The following B4GALT6 variants were observed in gnomAD, a reference collection of about 807,000 sequenced individuals.
B4GALT6 encodes beta-1,4-galactosyltransferase 6.
Under a neutral mutation model 46.3 loss-of-function variants are expected in B4GALT6, and 14 were observed. The ratio of observed to expected loss-of-function variants is 0.30; its 90% confidence interval spans 0.20 to 0.47. B4GALT6 has a LOEUF of 0.47. B4GALT6 is among the 20% of genes least tolerant of loss of function. B4GALT6 has a pLI of 0.99. For synonymous variants in B4GALT6, 168 were observed against 162.0 expected, an observed-to-expected ratio of 1.04 and a Z score of -0.28; for missense variants, 386 against 480.1, an observed-to-expected ratio of 0.80 and a Z score of 1.83.
At chr18:31,692,431 T>G in the B4GALT6 span, among the ~76,000 whole-genome samples, 4 of 152,192 alleles carry the variant, frequency 2.6e-5, no homozygotes, top group Non-Finnish European at 5.9e-5. Context: ...CTCATTTTGG[T>G]TTTGATTTGC....
intron 5 of B4GALT6, among the ~76,000 whole-genome samples, chr18:31,635,983 A>G (rs1406842668): frequency 2.6e-5 from 4 of 152,236 alleles, no homozygotes; most frequent in Non-Finnish European, 4.4e-5. Flanking sequence ...AGCAGAGTCA[A>G]TGGAACACAG....
At position 31,623,169 on chromosome 18, in the gene B4GALT6, T is replaced by C. The variant is rs2073639744; in HGVS notation, c.*2445A>G. On this transcript the variant is annotated 3_prime_UTR_variant, in exon 9 of 9. Transcript: ENST00000306851. ...ATTAATAAATCCTCCAAACATCCTA[T>C]AATTTGCATTTGCAATGTATTTGTT... The C allele has an allele frequency of 6.6e-6, 1 of 152,060 alleles. No homozygotes were observed. The highest frequency in any genetic ancestry group is 6.5e-5 in the Admixed American group (1 of 15,270). The allele number at this position is 152,060 out of a possible 1,614,324, so 9.4% of individuals were successfully genotyped here. A position where few individuals can be genotyped will look rare whatever the true frequency, so the allele number is the denominator to read the frequency against.
At chr18:31,678,186 T>C (rs572660044) in intron 1 of B4GALT6, among the ~76,000 whole-genome samples, 21 of 152,258 alleles carry the variant, frequency 1.4e-4, no homozygotes, top group Admixed American at 2.6e-4. Flanking sequence ...GTCTGTCCAG[T>C]ATCCCAAACA....
intron 3 of B4GALT6, among the ~76,000 whole-genome samples, chr18:31,650,005 C>A (rs1013010479): frequency 6.6e-6 from 1 of 152,166 alleles, no homozygotes; most frequent in African/African-American, 2.4e-5. Context: ...ACAGTGACAC[C>A]CAGCTCTGTG....
chr18:31,694,627 T>G, the B4GALT6 span, among the ~76,000 whole-genome samples: 1 of 152,246 alleles, frequency 6.6e-6, no homozygotes, highest in Non-Finnish European at 1.5e-5. Context: ...GTTCACAGGA[T>G]ATTTGCAGCA....
chr18:31,647,329 C>T (rs2074002776), intron 3 of B4GALT6, among the ~76,000 whole-genome samples: 1 of 152,166 alleles, frequency 6.6e-6, no homozygotes, highest in South Asian at 2.1e-4. Flanking sequence ...GCATCATTTG[C>T]AGTTTAATTT....
chr18:31,699,628 T>C, the B4GALT6 span, among the ~76,000 whole-genome samples: 1 of 122,832 alleles, frequency 8.1e-6, no homozygotes, highest in African/African-American at 3.1e-5. Flanking sequence ...CCCATGAGTC[T>C]CTTCCTGGAA....
chr18:31,629,201 C>T lies in B4GALT6; in HGVS notation c.776+1758G>A, dbSNP rs542672986. 2.6e-5 allele frequency among the ~76,000 whole-genome samples: 4 copies of T among 152,042 alleles called. No individual in the cohort carries two copies. The East Asian group carries it at 7.7e-4, about 29-fold the overall frequency. ...TCAATTGTTTATATTATTGGTAAGG[C>T]TTTTGGCTAACAGTAGGCTATTAGT... On this transcript the variant is annotated intron_variant, in intron 6 of 8. Coordinates refer to ENST00000306851, the MANE Select transcript of B4GALT6 (RefSeq NM_004775.5).
the B4GALT6 span, among the ~76,000 whole-genome samples, chr18:31,706,954 T>C: frequency 6.6e-6 from 1 of 152,184 alleles, no homozygotes. Context: ...TATAAATACC[T>C]ATCTTGAATG....
chr18:31,702,355 A>C, the B4GALT6 span, among the ~76,000 whole-genome samples: 1 of 152,228 alleles, frequency 6.6e-6, no homozygotes, highest in East Asian at 1.9e-4. Context: ...GTAAAGTTAT[A>C]CATAGGGTGA....
At chr18:31,653,091 A>G (rs2074094706) in intron 3 of B4GALT6, among the ~76,000 whole-genome samples, 1 of 151,512 alleles carries the variant, frequency 6.6e-6, no homozygotes, top group African/African-American at 2.4e-5. Flanking sequence ...ATACAGGCTC[A>G]TAAATCAACT....
chr18:31,631,786 C>G (rs1300006905), intron 5 of B4GALT6, among the ~76,000 whole-genome samples: 2 of 151,960 alleles, frequency 1.3e-5, no homozygotes, highest in African/African-American at 4.8e-5. Flanking sequence ...TAATAAATAC[C>G]AAGAACATTT....
At chr18:31,684,862 G>C, upstream of B4GALT6, 1 of 790,942 alleles carries the variant, frequency 1.3e-6, no homozygotes, top group Non-Finnish European at 1.5e-6. Context: ...TCCGCTGCCC[G>C]CGCCCGGCGG....
At chr18:31,721,852 C>CTCTT in the B4GALT6 span, among the ~76,000 whole-genome samples, 3 of 151,236 alleles carry the variant, frequency 2.0e-5, no homozygotes, top group Non-Finnish European at 4.4e-5. Flanking sequence ...TAAGCCAATT[C>CTCTT]TCTTTCTTTC....
Position 31,638,343 on chromosome 18 carries a change from C to T in B4GALT6, c.588+301G>A, listed in dbSNP as rs1026030582. Among the ~76,000 whole-genome samples, 19 of 152,002 alleles carry T rather than the reference C, an allele frequency of 1.2e-4. No individual in the cohort carries two copies. The East Asian group carries it at 1.7e-3, about 14-fold the overall frequency. On this transcript the variant is annotated intron_variant, in intron 5 of 8. Coordinates refer to ENST00000306851, the MANE Select transcript of B4GALT6 (RefSeq NM_004775.5). ...GAGATCAAGACCATCCTGGCTAACA[C>T]GGTGAAACCCTGTATCTACTAAAAA... is the stretch of plus-strand genomic sequence containing the variant.
In B4GALT6 at chr18:31,666,376, T is replaced by C. The variant is rs755481946; in HGVS notation, c.116-4A>G. 3 of 1,475,606 alleles carry C rather than the reference T, an allele frequency of 2.0e-6. No individual in the cohort carries two copies. Among genetic ancestry groups the C allele is most frequent in the Admixed American group, 1.9e-5 (1 of 53,302 alleles). The allele number at this position is 1,475,606 out of a possible 1,614,324, so 91.4% of individuals were successfully genotyped here. A position where few individuals can be genotyped will look rare whatever the true frequency, so the allele number is the denominator to read the frequency against. On this transcript the variant is annotated splice_region_variant and splice_polypyrimidine_tract_variant and intron_variant, in intron 1 of 8. Coordinates refer to ENST00000306851, the MANE Select transcript of B4GALT6 (RefSeq NM_004775.5). ...ACCATAAAGAGATATGTGTTGGCTA[T>C]AAAAGAAAAATAGAGAAAGAATGTC... is the stretch of plus-strand genomic sequence containing the variant.
At chr18:31,691,250 G>T in the B4GALT6 span, among the ~76,000 whole-genome samples, 1 of 116,396 alleles carries the variant, frequency 8.6e-6, no homozygotes, top group Non-Finnish European at 1.9e-5. Flanking sequence ...ATAATTATTG[G>T]ATCAGTGGAT....
chr18:31,680,483 A>G (rs968137852), intron 1 of B4GALT6, among the ~76,000 whole-genome samples: 1 of 152,240 alleles, frequency 6.6e-6, no homozygotes, highest in Admixed American at 6.5e-5. Context: ...CCCAAATAAC[A>G]AAGCACTCAG....
the B4GALT6 span, among the ~76,000 whole-genome samples, chr18:31,706,461 C>A: frequency 6.6e-6 from 1 of 151,818 alleles, no homozygotes; most frequent in Non-Finnish European, 1.5e-5. Flanking sequence ...AGAAACCCTG[C>A]CTCTACTAAA....
Sources: gnomAD v4.1 joint callset for allele counts (sites outside exome capture counted in the v4.1 genomes callset) on GRCh38, gnomAD v4.1.1 for gene constraint, MANE v1.5 for transcripts, NCBI Gene and HGNC (gene_info 2026-07-23, HGNC 2026-07-21) for gene names.